FOXO1: variants seen among roughly 807,000 people sequenced by gnomAD.
FOXO1 encodes the protein forkhead box protein O1.
Under a neutral mutation model 44.1 loss-of-function variants are expected in FOXO1, and 6 were observed. The ratio of observed to expected loss-of-function variants is 0.14; its 90% CI spans 0.07 to 0.27. The LOEUF is 0.27. Ranked by LOEUF, FOXO1 falls within the 10% of genes least tolerant of loss-of-function variation. The pLI, the probability that FOXO1 is intolerant of heterozygous loss-of-function variation, is 1.00. For synonymous variants in FOXO1, 380 were observed against 362.7 expected (o/e 1.05, Z -0.54); for missense variants, 737 against 888.8 (o/e 0.83, Z 2.17).
chr13:40,646,786 G>T (rs1877525422), intron 1 of FOXO1, among the ~76,000 whole-genome samples: 1 of 152,030 alleles, frequency 6.6e-6, no homozygotes, highest in Non-Finnish European at 1.5e-5. Flanking sequence ...TAAAGACAGG[G>T]TTTCACCATG....
Position 40,666,231 on chromosome 13 carries a change from C to A in FOXO1, c.-19G>T. The A allele has an allele frequency of 7.2e-7, 1 of 1,384,230 alleles. No individual in the cohort carries two copies. Among genetic ancestry groups the A allele is most frequent in the East Asian group, 3.1e-5 (1 of 32,596 alleles). 85.7% of individuals were successfully genotyped at this position (1,384,230 alleles called of 1,614,324 possible). On this transcript the variant is annotated 5_prime_UTR_variant, in exon 1 of 3. Coordinates refer to ENST00000379561, the MANE Select transcript of FOXO1 (RefSeq NM_002015.4). ...CGGCCATGGTGACCCCCGCCCCTCC[C>A]CCAGCCGCAGGAGAGCCAAGAGGGG...
chr13:40,562,414 A>G (rs1272103344), intron 1 of FOXO1, among the ~76,000 whole-genome samples: 3 of 152,170 alleles, frequency 2.0e-5, no homozygotes, highest in African/African-American at 7.2e-5. Context: ...CTACTTACTT[A>G]CCTAGGTGAC....
intron 1 of FOXO1, among the ~76,000 whole-genome samples, chr13:40,665,212 G>A (rs1878186737): frequency 6.6e-6 from 1 of 151,926 alleles, no homozygotes; most frequent in Non-Finnish European, 1.5e-5. Flanking sequence ...GCGGAGGTCC[G>A]GGAGGGAAGG....
At chr13:40,574,547 A>C (rs1874670102) in intron 1 of FOXO1, among the ~76,000 whole-genome samples, 1 of 152,258 alleles carries the variant, frequency 6.6e-6, no homozygotes. Context: ...TTTTTATTAG[A>C]AATTATTGGC....
intron 1 of FOXO1, among the ~76,000 whole-genome samples, chr13:40,587,171 G>A (rs1263181870): frequency 6.6e-6 from 1 of 151,226 alleles, no homozygotes; most frequent in Non-Finnish European, 1.5e-5. Flanking sequence ...TCCAAAGTCA[G>A]AAGGGCTCAT....
At chr13:40,572,195 C>T (rs560500034) in intron 1 of FOXO1, among the ~76,000 whole-genome samples, 1 of 152,260 alleles carries the variant, frequency 6.6e-6, no homozygotes, top group Admixed American at 6.5e-5. Context: ...GACAATATCC[C>T]ACCCATAGCA....
Position 40,665,601 on chromosome 13 carries a change from G to A in FOXO1, c.612C>T (p.Asn204=). 7 of 1,437,580 alleles carry A rather than the reference G, an allele frequency of 4.9e-6. No homozygotes were observed. The highest frequency in any genetic ancestry group is 2.3e-5 in the Admixed American group (1 of 42,878). 89.1% of individuals were successfully genotyped at this position (1,437,580 alleles called of 1,614,324 possible). The change falls in exon 1 of 3, where the codon AAC becomes AAT. Residue 204 remains asparagine (N), a synonymous_variant. Transcript: ENST00000379561. ...CACTCACCTTCCAGCCCGCCGAGCT[G>A]TTGCTGTCACCCTTATCCTTGAAGT... The part of the protein sequence containing the change: ...VPYFKDKGDS[N]SSAGWKNSIR...
At chr13:40,581,259 C>T (rs527765683) in intron 1 of FOXO1, among the ~76,000 whole-genome samples, 1 of 152,198 alleles carries the variant, frequency 6.6e-6, no homozygotes, top group South Asian at 2.1e-4. Flanking sequence ...AGGGCCACAA[C>T]AGCCTTCACA....
chr13:40,650,232 A>C (rs1361407889), intron 1 of FOXO1, among the ~76,000 whole-genome samples: 1 of 152,202 alleles, frequency 6.6e-6, no homozygotes, highest in South Asian at 2.1e-4. Context: ...CAGTGAGAAC[A>C]ACCAGAGGTC....
chr13:40,635,295 T>C (rs1877109100), intron 1 of FOXO1, among the ~76,000 whole-genome samples: 1 of 152,302 alleles, frequency 6.6e-6, no homozygotes, highest in East Asian at 1.9e-4. Context: ...TTTTGCTATA[T>C]GCTACTAAGT....
At chr13:40,580,137 T>C (rs1339089594) in intron 1 of FOXO1, among the ~76,000 whole-genome samples, 1 of 152,202 alleles carries the variant, frequency 6.6e-6, no homozygotes, top group African/African-American at 2.4e-5. Flanking sequence ...ATAATGTTGC[T>C]ACATTGGGGT....
rs374649965 is a variant in FOXO1, at chr13:40,560,625, C to T, written c.866G>A (p.Gly289Glu). The change falls in exon 2 of 3, where the codon GGA becomes GAA. Residue 289 changes from glycine (G) to glutamate (E), a missense_variant. This residue lies in a region of FOXO1 where 136 missense variants were observed against 186.4 expected (regional missense o/e 0.73). Coordinates refer to ENST00000379561, the MANE Select transcript of FOXO1 (RefSeq NM_002015.4). The surrounding 1 kb of genome is among the most constrained non-coding windows in gnomAD (Gnocchi z 5.1). ...SGQEGAGDSP[G>E]SQFSKWPASP... ...TGCAGGCCATTTGGAAAACTGTGAT[C>T]CAGGGCTGTCCCCAGCACCCTCCTG... is the stretch of plus-strand genomic sequence containing the variant. The T allele has an allele frequency of 6.2e-7, 1 of 1,614,186 alleles. No homozygotes were observed. The highest frequency in any genetic ancestry group is 8.5e-7 in the Non-Finnish European group (1 of 1,180,040).
At chr13:40,623,169 T>G (rs1235255648) in intron 1 of FOXO1, among the ~76,000 whole-genome samples, 1 of 151,948 alleles carries the variant, frequency 6.6e-6, no homozygotes, top group Non-Finnish European at 1.5e-5. Context: ...AAAACAAAAC[T>G]GGCTTCTAAA....
Position 40,665,607 on chromosome 13 carries a change from G to A in FOXO1, c.606C>T (p.Asp202=), listed in dbSNP as rs762028388. 2.4e-5 allele frequency: 34 copies of A among 1,446,106 alleles called. No individual in the cohort carries two copies. Among genetic ancestry groups the A allele is most frequent in the Non-Finnish European group, 2.9e-5 (31 of 1,083,796 alleles). 89.6% of individuals were successfully genotyped at this position (1,446,106 alleles called of 1,614,324 possible). A position where few individuals can be genotyped will look rare whatever the true frequency, so the allele number is the denominator to read the frequency against. The change falls in exon 1 of 3, where the codon GAC becomes GAT. Residue 202 remains aspartate, a synonymous_variant. Transcript: ENST00000379561. ...CCTTCCAGCCCGCCGAGCTGTTGCTGTCACCCTTATCCTTGAAGTAGGGCA... is the reference window on the plus strand; with the variant it reads ...CCTTCCAGCCCGCCGAGCTGTTGCTATCACCCTTATCCTTGAAGTAGGGCA... The part of the protein sequence containing the change: ...KSVPYFKDKG[D]SNSSAGWKNS...
At chr13:40,628,828 G>A (rs898195584) in intron 1 of FOXO1, among the ~76,000 whole-genome samples, 2 of 152,152 alleles carry the variant, frequency 1.3e-5, no homozygotes, top group African/African-American at 2.4e-5. Context: ...TGTCCCCCAG[G>A]CACCTGCTCT....
rs1387428126 is a variant in FOXO1, at chr13:40,557,500, C to A, written c.*1549G>T. 6.6e-6 allele frequency: 1 copy of A among 152,236 alleles called. No individual in the cohort carries two copies. The highest frequency in any genetic ancestry group is 1.9e-4 in the East Asian group (1 of 5,206). The allele number at this position is 152,236 out of a possible 1,614,324, so 9.4% of individuals were successfully genotyped here. A position where few individuals can be genotyped will look rare whatever the true frequency, so the allele number is the denominator to read the frequency against. On this transcript the variant is annotated 3_prime_UTR_variant, in exon 3 of 3. Transcript: ENST00000379561. ...AATCTCCCCAATTTTTAAGTAAGTT[C>A]TATTCCATTTGCTACCCATCTGAAC...
chr13:40,577,409 G>T (rs1874796905), intron 1 of FOXO1, among the ~76,000 whole-genome samples: 2 of 152,082 alleles, frequency 1.3e-5, no homozygotes, highest in Non-Finnish European at 2.9e-5. Flanking sequence ...CCAAGTGTGT[G>T]CCATGCAACT....
chr13:40,559,387 G>T, intron 2 of FOXO1, 122 bp downstream of exon 2: 2 of 838,848 alleles, frequency 2.4e-6, no homozygotes, highest in Non-Finnish European at 1.8e-6. Flanking sequence ...AATGATAAAA[G>T]ATCCCTCTCT....
chr13:40,652,626 T>A (rs1210878779), intron 1 of FOXO1, among the ~76,000 whole-genome samples: 1 of 152,210 alleles, frequency 6.6e-6, no homozygotes, highest in Non-Finnish European at 1.5e-5. Flanking sequence ...ATGCCTATCT[T>A]GATGTTACTT....
Sources: allele counts gnomAD v4.1 joint callset (sites outside exome capture counted in the v4.1 genomes callset), GRCh38; gene constraint gnomAD v4.1.1; regional missense constraint gnomAD v4.1.1; non-coding constraint Gnocchi (gnomAD v3.1); transcripts MANE v1.5; gene names NCBI Gene and HGNC (gene_info 2026-07-23, HGNC 2026-07-21).